Variants in DLG2 observed in about 807,000 individuals in gnomAD.
DLG2 encodes disks large homolog 2.
In DLG2, 45 loss-of-function variants were observed where a neutral mutation model predicts 132.5. The observed-to-expected ratio is 0.34, with a 90% CI of 0.27 to 0.44. The LOEUF (loss-of-function observed/expected upper bound fraction) is 0.44, where lower values mean the gene tolerates loss of function less well. DLG2 is among the 20% of genes least tolerant of loss of function. The pLI is 1.00. For missense variants in DLG2, 1,045 were observed against 1,196.9 expected (o/e 0.87, Z 1.87); for synonymous variants, 424 against 419.6 (o/e 1.01, Z -0.13).
chr11:84,801,484 T>G (rs1252453696), intron 6 of DLG2, among the ~76,000 whole-genome samples: 1 of 152,120 alleles, frequency 6.6e-6, no homozygotes, highest in East Asian at 1.9e-4. Flanking sequence ...GGCAGGAGAA[T>G]GGCGTGAAGG....
intron 6 of DLG2, among the ~76,000 whole-genome samples, chr11:84,652,926 T>C (rs896397640): frequency 6.6e-5 from 10 of 151,028 alleles, no homozygotes; most frequent in East Asian, 2.0e-4. Flanking sequence ...GAATCCAATA[T>C]TGGAGGTTTT....
chr11:84,049,745 A>G (rs1381451603), intron 11 of DLG2, among the ~76,000 whole-genome samples: 1 of 151,788 alleles, frequency 6.6e-6, no homozygotes, highest in Non-Finnish European at 1.5e-5. Context: ...TTCATGCCCT[A>G]TGGGTTACTT....
At chr11:84,317,669 A>G (rs1367531610) in intron 7 of DLG2, among the ~76,000 whole-genome samples, 1 of 152,202 alleles carries the variant, frequency 6.6e-6, no homozygotes, top group Non-Finnish European at 1.5e-5. Context: ...ATAAAAAATG[A>G]TGGGAAAGTT....
chr11:83,975,665 A>G (rs1208810822), intron 12 of DLG2, among the ~76,000 whole-genome samples: 1 of 152,044 alleles, frequency 6.6e-6, no homozygotes, highest in Non-Finnish European at 1.5e-5. Flanking sequence ...ATCTATTTAC[A>G]GAAGATAAAT....
At chr11:85,558,269 GT>G (rs2077041225) in intron 3 of DLG2, among the ~76,000 whole-genome samples, 1 of 151,928 alleles carries the variant, frequency 6.6e-6, no homozygotes, top group South Asian at 2.1e-4. Context: ...TCTCACACTA[GT>G]CAGAATGGCT....
chr11:84,852,878 A>T (rs892225778), intron 6 of DLG2, among the ~76,000 whole-genome samples: 8 of 151,998 alleles, frequency 5.3e-5, no homozygotes, highest in African/African-American at 1.7e-4. Context: ...AAAATAAAAT[A>T]AAAAAGTTGC....
At chr11:85,139,492 T>G (rs913890668) in intron 5 of DLG2, among the ~76,000 whole-genome samples, 2 of 152,050 alleles carry the variant, frequency 1.3e-5, no homozygotes, top group African/African-American at 4.8e-5. Flanking sequence ...CAAAATTAAT[T>G]TATTTTGAAA....
At position 84,383,311 on chromosome 11, in the gene DLG2, C is replaced by G. The variant is rs77709105; in HGVS notation, c.520-132020G>C. Among the ~76,000 whole-genome samples, 686 of 151,624 alleles carry G rather than the reference C, an allele frequency of 4.5e-3. 9 individuals are homozygous for G. Among genetic ancestry groups the G allele is most frequent in the African/African-American group, 0.016 (664 of 41,334 alleles). On this transcript the variant is annotated intron_variant, in intron 7 of 27. Transcript: ENST00000376104. ...AGGTTTTCTTCAGCTCTGACACACC[C>G]CAAGCTAAGATGACGCCTAATATTT... is the stretch of plus-strand genomic sequence containing the variant.
chr11:83,630,081 C>A (rs1233799119), intron 19 of DLG2, among the ~76,000 whole-genome samples: 1 of 152,108 alleles, frequency 6.6e-6, no homozygotes, highest in Non-Finnish European at 1.5e-5. Flanking sequence ...ACTTCAAGCA[C>A]TTCACACGAA....
At chr11:85,243,353 T>C (rs2075984022) in intron 4 of DLG2, among the ~76,000 whole-genome samples, 1 of 152,024 alleles carries the variant, frequency 6.6e-6, no homozygotes, top group Non-Finnish European at 1.5e-5. Context: ...AGAGATTCTA[T>C]TTCATTCAAT....
chr11:83,633,162 A>T, intron 19 of DLG2, 49 bp downstream of exon 19: 2 of 1,565,038 alleles, frequency 1.3e-6, no homozygotes, highest in Non-Finnish European at 1.8e-6. Flanking sequence ...TTGTTTTCTC[A>T]AGTTGAATTG....
At chr11:84,699,611 T>G (rs2058994819) in intron 6 of DLG2, among the ~76,000 whole-genome samples, 1 of 151,528 alleles carries the variant, frequency 6.6e-6, no homozygotes, top group African/African-American at 2.4e-5. Flanking sequence ...TCTGATGTCT[T>G]GCTTAGAATC....
At chr11:83,507,245 C>A (rs2094751213) in intron 21 of DLG2, among the ~76,000 whole-genome samples, 2 of 151,926 alleles carry the variant, frequency 1.3e-5, no homozygotes, top group African/African-American at 4.8e-5. Context: ...GAAGTAGGGT[C>A]CTTAGCATTT....
chr11:83,517,712 T>G (rs2095344300), intron 21 of DLG2, among the ~76,000 whole-genome samples: 1 of 152,234 alleles, frequency 6.6e-6, no homozygotes, highest in African/African-American at 2.4e-5. Flanking sequence ...GTGGATGTCC[T>G]TTCTGTTTGT....
chr11:84,587,213 A>T (rs1472197635), intron 6 of DLG2, among the ~76,000 whole-genome samples: 3 of 152,170 alleles, frequency 2.0e-5, no homozygotes, highest in Non-Finnish European at 4.4e-5. Flanking sequence ...GAGCCAGAAA[A>T]TCCCAAATTT....
chr11:83,902,709 A>C (rs184860268), intron 15 of DLG2, among the ~76,000 whole-genome samples: 10 of 152,162 alleles, frequency 6.6e-5, no homozygotes, highest in South Asian at 2.1e-4. Context: ...ACAGAAATGC[A>C]TCCCAAGGGA....
intron 6 of DLG2, among the ~76,000 whole-genome samples, chr11:84,894,882 A>T (rs1172597748): frequency 7.1e-6 from 1 of 140,436 alleles, no homozygotes; most frequent in African/African-American, 2.6e-5. Flanking sequence ...ACACCTGCTG[A>T]GACCCCTTGC....
intron 6 of DLG2, among the ~76,000 whole-genome samples, chr11:84,838,652 T>C (rs528045551): frequency 3.3e-5 from 5 of 151,792 alleles, no homozygotes; most frequent in South Asian, 2.1e-4. Context: ...CACTGCAGAA[T>C]TGTTTATAAA....
intron 19 of DLG2, among the ~76,000 whole-genome samples, chr11:83,550,078 T>C (rs996243850): frequency 9.9e-5 from 15 of 152,180 alleles, no homozygotes; most frequent in African/African-American, 3.6e-4. Context: ...TAAAGCAGAT[T>C]GGTATTATTT....
Sources: allele counts gnomAD v4.1 joint callset (sites outside exome capture counted in the v4.1 genomes callset), GRCh38; gene constraint gnomAD v4.1.1; transcripts MANE v1.5; gene names NCBI Gene and HGNC (gene_info 2026-07-23, HGNC 2026-07-21).